Variants in CSMD1 observed in about 807,000 individuals in gnomAD.
CSMD1 encodes CUB and Sushi multiple domains 1, also known as CUB and sushi domain-containing protein 1.
CSMD1 carries 213 observed loss-of-function variants against 417.5 expected under a neutral mutation model. The observed-to-expected ratio is 0.51, with a 90% CI of 0.46 to 0.57. The LOEUF is 0.57. Ranked by LOEUF, CSMD1 falls within the 20% of genes least tolerant of loss-of-function variation. The probability of loss-of-function intolerance (pLI) is 0.00; values close to 1 mark genes in which losing one functional copy is unlikely to be tolerated. For synonymous variants in CSMD1, 2,862 were observed against 1,736.8 expected (o/e 1.65, Z -16.11); for missense variants, 6,923 against 4,529.7 (o/e 1.53, Z -15.17).
At chr8:4,115,435 CTG>C (rs1802082686) in intron 3 of CSMD1, among the ~76,000 whole-genome samples, 2 of 152,106 alleles carry the variant, frequency 1.3e-5, no homozygotes, top group South Asian at 4.1e-4. Context: ...TAGTCTAAAA[CTG>C]AATCTCTGAG....
At chr8:4,787,744 C>G in intron 1 of CSMD1, 2 of 1,587,374 alleles carry the variant, frequency 1.3e-6, no homozygotes, top group Non-Finnish European at 1.7e-6. Flanking sequence ...TGAGGAACAG[C>G]TGATTGCTGC....
chr8:4,041,876 A>G (rs779913245), intron 3 of CSMD1, among the ~76,000 whole-genome samples: 39 of 152,196 alleles, frequency 2.6e-4, no homozygotes, highest in Non-Finnish European at 4.6e-4. Flanking sequence ...TCAAAAATCA[A>G]TGGATGTTAT....
At chr8:4,844,368 A>G (rs953108608) in intron 1 of CSMD1, among the ~76,000 whole-genome samples, 1 of 152,162 alleles carries the variant, frequency 6.6e-6, no homozygotes, top group Non-Finnish European at 1.5e-5. Flanking sequence ...GGAAAAACTC[A>G]TGCCCTTCCC....
intron 12 of CSMD1, among the ~76,000 whole-genome samples, chr8:3,456,910 A>G (rs115538334): frequency 1.6e-3 from 246 of 152,036 alleles, no homozygotes; most frequent in African/African-American, 5.4e-3. Context: ...CTTGTATTCT[A>G]CACTTCATGC....
Position 4,060,280 on chromosome 8 carries a change from G to A in CSMD1, c.416-28181C>T, listed in dbSNP as rs570119243. Among the ~76,000 whole-genome samples the A allele has an allele frequency of 2.6e-5, 4 of 152,232 alleles. No individual in the cohort carries two copies. The South Asian group carries it at 8.3e-4, about 32-fold the overall frequency. On this transcript the variant is annotated intron_variant, in intron 3 of 69. Coordinates refer to ENST00000635120, the MANE Select transcript of CSMD1 (RefSeq NM_033225.6). ...AAAAACTCTCAATAAATTAGGTATT[G>A]ATGGGACGTATCTCAGAATAATAAG...
intron 11 of CSMD1, among the ~76,000 whole-genome samples, chr8:3,486,424 G>C (rs1406489522): frequency 6.6e-6 from 1 of 152,192 alleles, no homozygotes; most frequent in Non-Finnish European, 1.5e-5. Context: ...ATGTTTATTT[G>C]AGATGAAAAA....
chr8:3,613,345 T>A (rs920606571), intron 8 of CSMD1: 3 of 397,974 alleles, frequency 7.5e-6, no homozygotes, highest in Non-Finnish European at 9.9e-6. Flanking sequence ...AGCAATGAAA[T>A]ATTAACAATT....
chr8:4,029,201 G>C lies in CSMD1; in HGVS notation c.610+2704C>G, dbSNP rs184384657. Among the ~76,000 whole-genome samples, 569 of 151,402 alleles carry C rather than the reference G, an allele frequency of 3.8e-3. 2 individuals are homozygous for C. Among genetic ancestry groups the C allele is most frequent in the Non-Finnish European group, 6.3e-3 (429 of 68,026 alleles). On this transcript the variant is annotated intron_variant, in intron 4 of 69. Transcript: ENST00000635120. ...CAAATCTTTGAATCCTACAACGAGA[G>C]GTGATGAAAATAGGCAGAAATCCAT...
chr8:4,424,113 G>A (rs1346124263), intron 2 of CSMD1, among the ~76,000 whole-genome samples: 1 of 151,934 alleles, frequency 6.6e-6, no homozygotes, highest in Admixed American at 6.6e-5. Context: ...ATAGGGGAAA[G>A]GCTTTTGAGT....
chr8:3,882,904 C>T (rs922215266), intron 5 of CSMD1, among the ~76,000 whole-genome samples: 1 of 152,136 alleles, frequency 6.6e-6, no homozygotes, highest in Admixed American at 6.6e-5. Flanking sequence ...ATGCTAGCAT[C>T]TTGTGGGAGT....
intron 2 of CSMD1, among the ~76,000 whole-genome samples, chr8:4,465,154 A>G (rs960303871): frequency 6.6e-6 from 1 of 152,124 alleles, no homozygotes. Flanking sequence ...CCCCCAAACT[A>G]TGTCACTTTA....
intron 3 of CSMD1, among the ~76,000 whole-genome samples, chr8:4,391,239 G>A (rs1034559624): frequency 6.6e-6 from 1 of 152,138 alleles, no homozygotes; most frequent in African/African-American, 2.4e-5. Flanking sequence ...TGCAAAGACA[G>A]CCACCATAAC....
At chr8:4,641,049 CAT>C (rs141969306) in intron 1 of CSMD1, among the ~76,000 whole-genome samples, 5 of 149,390 alleles carry the variant, frequency 3.3e-5, no homozygotes, top group African/African-American at 7.4e-5. Flanking sequence ...ATTTCAATTT[CAT>C]ATATATATAT....
At chr8:3,308,573 CAAACAAGGTTG>C in intron 23 of CSMD1, 70 bp from the exon 24 acceptor site, 1 of 1,281,144 alleles carries the variant, frequency 7.8e-7, no homozygotes, top group Non-Finnish European at 1.1e-6. Context: ...AGAGATGAAA[CAAACAAGGTTG>C]CTAAATGCTC....
At chr8:4,354,362 T>C (rs999777814) in intron 3 of CSMD1, among the ~76,000 whole-genome samples, 14 of 152,194 alleles carry the variant, frequency 9.2e-5, no homozygotes, top group African/African-American at 3.4e-4. Flanking sequence ...ATTCTAATAT[T>C]CACAAACCTG....
rs373488952 is a variant in CSMD1, at chr8:4,406,816, G to A, written c.415+13137C>T. 2.2e-4 allele frequency among the ~76,000 whole-genome samples: 34 copies of A among 152,284 alleles called. No homozygotes were observed. In the South Asian group the frequency reaches 6.6e-3, roughly 30 times the overall value. Reference sequence around the variant, plus strand: ...GTGTTTGATGAAGGTGACTAACAAAGTTGTCTTGTCAGTTACAGCAAAACT... The same window carrying A: ...GTGTTTGATGAAGGTGACTAACAAAATTGTCTTGTCAGTTACAGCAAAACT... On this transcript the variant is annotated intron_variant, in intron 3 of 69. Transcript: ENST00000635120.
At chr8:4,727,949 T>TCTA in intron 1 of CSMD1, among the ~76,000 whole-genome samples, 1 of 79,338 alleles carries the variant, frequency 1.3e-5, no homozygotes, top group Non-Finnish European at 2.2e-5. Context: ...ACAAAATATA[T>TCTA]ATATGTATAT....
At chr8:4,742,948 A>G (rs1217259092) in intron 1 of CSMD1, among the ~76,000 whole-genome samples, 3 of 152,210 alleles carry the variant, frequency 2.0e-5, no homozygotes, top group Admixed American at 6.5e-5. Context: ...ATGATACCAA[A>G]AGTGCATTAT....
At chr8:3,745,858 C>A (rs957730463) in intron 6 of CSMD1, among the ~76,000 whole-genome samples, 4 of 152,184 alleles carry the variant, frequency 2.6e-5, no homozygotes, top group Admixed American at 2.6e-4. Flanking sequence ...GTGGTTTCCC[C>A]ACATTATCAT....
Sources: allele counts gnomAD v4.1 joint callset (sites outside exome capture counted in the v4.1 genomes callset), GRCh38; gene constraint gnomAD v4.1.1; transcripts MANE v1.5; gene names NCBI Gene and HGNC (gene_info 2026-07-23, HGNC 2026-07-21).